LRRC1: variants seen among roughly 807,000 people sequenced by gnomAD.
The protein encoded by LRRC1 is leucine-rich repeat-containing protein 1.
In LRRC1, 28 loss-of-function variants were observed where a neutral mutation model predicts 69.9. The observed-to-expected ratio is 0.40, with a 90% CI of 0.30 to 0.55. The LOEUF is 0.55. Among genes scored for constraint, LRRC1 ranks in the 20% least tolerant of loss-of-function variants. The pLI, the probability that LRRC1 is intolerant of heterozygous loss-of-function variation, is 0.47. For synonymous variants in LRRC1, 236 were observed against 240.2 expected, an observed-to-expected ratio of 0.98 and a Z score of 0.16; for missense variants, 498 against 609.0, an observed-to-expected ratio of 0.82 and a Z score of 1.92.
chr6:53,857,077 A>G (rs553416717), intron 2 of LRRC1, among the ~76,000 whole-genome samples: 17 of 152,250 alleles, frequency 1.1e-4, no homozygotes, highest in African/African-American at 4.1e-4. Flanking sequence ...GAGTATCTAG[A>G]TGGAGCTGTT....
intron 10 of LRRC1, among the ~76,000 whole-genome samples, chr6:53,913,037 A>G (rs537938071): frequency 2.6e-5 from 4 of 152,250 alleles, no homozygotes; most frequent in Admixed American, 1.3e-4. Flanking sequence ...GAATCATTGG[A>G]TTTTTTTGTG....
rs571238047 is a variant in LRRC1, at chr6:53,842,763, C to A, written c.277+536C>A. On this transcript the variant is annotated intron_variant, in intron 2 of 13. Transcript: ENST00000370888. The stretch of plus-strand genomic sequence containing the variant: ...GTATGCTCTCCCTGTAGTGAACAGA[C>A]CTGCTTGCGTTCAGGCATCTTCTGT... Among the ~76,000 whole-genome samples the A allele has an allele frequency of 3.3e-5, 5 of 152,300 alleles. No individual in the cohort carries two copies. In the South Asian group the frequency reaches 1.0e-3, roughly 32 times the overall value.
intron 1 of LRRC1, among the ~76,000 whole-genome samples, chr6:53,837,086 G>A (rs1410473378): frequency 3.3e-5 from 5 of 151,988 alleles, no homozygotes; most frequent in Admixed American, 3.3e-4. Context: ...GAATTTCATT[G>A]TAATAATGTA....
At chr6:53,808,411 GA>G (rs1320543218) in intron 1 of LRRC1, among the ~76,000 whole-genome samples, 5 of 152,070 alleles carry the variant, frequency 3.3e-5, no homozygotes, top group Non-Finnish European at 5.9e-5. Context: ...AAGTTTTTAT[GA>G]GACCTAGAAT....
At chr6:53,835,396 C>T (rs1765585004) in intron 1 of LRRC1, among the ~76,000 whole-genome samples, 1 of 152,176 alleles carries the variant, frequency 6.6e-6, no homozygotes, top group Non-Finnish European at 1.5e-5. Flanking sequence ...ACAAAGAGCC[C>T]TTTATCATTT....
At chr6:53,838,330 G>A (rs1765671126) in intron 1 of LRRC1, among the ~76,000 whole-genome samples, 2 of 152,196 alleles carry the variant, frequency 1.3e-5, no homozygotes, top group South Asian at 4.1e-4. Context: ...ACAGGCTCTA[G>A]TGGAGGATGC....
At chr6:53,865,159 C>T (rs935772531) in intron 2 of LRRC1, among the ~76,000 whole-genome samples, 4 of 152,082 alleles carry the variant, frequency 2.6e-5, no homozygotes, top group African/African-American at 9.7e-5. Flanking sequence ...AATTCCTCTC[C>T]TCTCATAGTA....
chr6:53,854,210 T>C (rs1032434071), intron 2 of LRRC1, among the ~76,000 whole-genome samples: 1 of 152,218 alleles, frequency 6.6e-6, no homozygotes, highest in Non-Finnish European at 1.5e-5. Flanking sequence ...TTCTTTGCAA[T>C]ATAGAGTAGC....
At chr6:53,805,357 T>C (rs962154714) in intron 1 of LRRC1, among the ~76,000 whole-genome samples, 1 of 152,168 alleles carries the variant, frequency 6.6e-6, no homozygotes, top group Non-Finnish European at 1.5e-5. Context: ...GCATAGATTC[T>C]TACTCTGGGT....
intron 4 of LRRC1, among the ~76,000 whole-genome samples, chr6:53,890,186 A>G (rs2127433680): frequency 6.6e-6 from 1 of 152,284 alleles, no homozygotes. Flanking sequence ...ATACCCTCAA[A>G]TATGTTAGCC....
chr6:53,908,639 G>A (rs925680257), intron 10 of LRRC1, among the ~76,000 whole-genome samples: 30 of 152,130 alleles, frequency 2.0e-4, no homozygotes, highest in African/African-American at 7.2e-4. Flanking sequence ...TTGATGGATT[G>A]TCTACAGGAA....
intron 4 of LRRC1, chr6:53,884,119 T>C: frequency 1.6e-6 from 1 of 645,006 alleles, no homozygotes; most frequent in Non-Finnish European, 2.8e-6. Context: ...AGGTGTATGG[T>C]ATCAGTTGCA....
At chr6:53,822,887 C>T (rs1182337624) in intron 1 of LRRC1, among the ~76,000 whole-genome samples, 1 of 152,176 alleles carries the variant, frequency 6.6e-6, no homozygotes, top group African/African-American at 2.4e-5. Flanking sequence ...GTGAGGAAGG[C>T]TGAGTCCAGT....
intron 3 of LRRC1, 26 bp from the exon 4 acceptor site, chr6:53,882,861 C>A (rs140082803): frequency 7.0e-7 from 1 of 1,437,286 alleles, no homozygotes; most frequent in Non-Finnish European, 9.7e-7. Flanking sequence ...TAATTTACAG[C>A]GTTTTGTTTG....
intron 2 of LRRC1, among the ~76,000 whole-genome samples, chr6:53,845,162 C>T (rs943133496): frequency 1.5e-4 from 23 of 152,172 alleles, no homozygotes; most frequent in Admixed American, 1.1e-3. Context: ...CAAGATCACG[C>T]CATTGCACTC....
chr6:53,827,163 C>G (rs991904778), intron 1 of LRRC1, among the ~76,000 whole-genome samples: 1 of 152,116 alleles, frequency 6.6e-6, no homozygotes, highest in Non-Finnish European at 1.5e-5. Flanking sequence ...AGATTTGGTT[C>G]TTTCTCTTCT....
chr6:53,840,173 A>G (rs548394645), intron 1 of LRRC1, among the ~76,000 whole-genome samples: 10 of 152,326 alleles, frequency 6.6e-5, no homozygotes, highest in African/African-American at 2.4e-4. Flanking sequence ...GAAAGGTGCA[A>G]GGAAACTGAA....
chr6:53,870,551 G>A (rs1448074281), intron 2 of LRRC1, among the ~76,000 whole-genome samples: 1 of 152,118 alleles, frequency 6.6e-6, no homozygotes, highest in Non-Finnish European at 1.5e-5. Context: ...GAAGTGCAGT[G>A]TTTTTGATAC....
At chr6:53,893,646 A>G (rs1224098984) in intron 4 of LRRC1, among the ~76,000 whole-genome samples, 1 of 152,182 alleles carries the variant, frequency 6.6e-6, no homozygotes, top group African/African-American at 2.4e-5. Context: ...CCAAAATTTG[A>G]AACACTAACA....
Sources: allele counts gnomAD v4.1 joint callset (sites outside exome capture counted in the v4.1 genomes callset), GRCh38; gene constraint gnomAD v4.1.1; transcripts MANE v1.5; gene names NCBI Gene and HGNC (gene_info 2026-07-23, HGNC 2026-07-21).